The following PRKN variants were observed in gnomAD, a reference collection of about 807,000 sequenced individuals.
The protein encoded by PRKN is parkin RBR E3 ubiquitin protein ligase.
Under a neutral mutation model 59.5 loss-of-function variants are expected in PRKN, and 56 were observed. The observed-to-expected ratio is 0.94, with a 90% CI of 0.76 to 1.18. PRKN has a LOEUF of 1.18. Among genes scored for constraint, PRKN ranks in the 50% most tolerant of loss-of-function variants. The pLI is 0.00. For synonymous variants in PRKN, 250 were observed against 222.1 expected, an observed-to-expected ratio of 1.13 and a Z score of -1.12; for missense variants, 657 against 596.4, an observed-to-expected ratio of 1.10 and a Z score of -1.06.
chr6:162,308,493 C>T lies in PRKN; in HGVS notation c.172-45728G>A, dbSNP rs1782335096. Among the ~76,000 whole-genome samples, 3 of 152,150 alleles carry T rather than the reference C, an allele frequency of 2.0e-5. 1 individual carries two copies. The South Asian group carries it at 6.2e-4, about 32-fold the overall frequency. On this transcript the variant is annotated intron_variant, in intron 2 of 11. Coordinates refer to ENST00000366898, the MANE Select transcript of PRKN (RefSeq NM_004562.3). ...CTTGTAGTGAAATTGATCGGTATCT[C>T]CGGCATGATGAGGTCATGAAAGAAG... is the stretch of plus-strand genomic sequence containing the variant.
intron 1 of PRKN, among the ~76,000 whole-genome samples, chr6:162,446,269 C>T (rs886845790): frequency 1.3e-5 from 2 of 152,096 alleles, no homozygotes; most frequent in Non-Finnish European, 2.9e-5. Flanking sequence ...TCATTTTCTA[C>T]TAGTGAGAAT....
chr6:161,606,962 G>T (rs1177871883), intron 7 of PRKN, among the ~76,000 whole-genome samples: 1 of 152,192 alleles, frequency 6.6e-6, no homozygotes, highest in Non-Finnish European at 1.5e-5. Flanking sequence ...GCATGGGGGG[G>T]AGATGAGGGG....
At chr6:162,248,878 A>AT (rs1029810865) in intron 3 of PRKN, among the ~76,000 whole-genome samples, 1 of 151,388 alleles carries the variant, frequency 6.6e-6, no homozygotes, top group Admixed American at 6.6e-5. Context: ...TTGCTTTTGT[A>AT]TATAATTTTT....
chr6:161,774,501 C>T (rs1263732162), intron 7 of PRKN, among the ~76,000 whole-genome samples: 1 of 151,920 alleles, frequency 6.6e-6, no homozygotes, highest in Admixed American at 6.6e-5. Flanking sequence ...TGACATGCTC[C>T]ATTTGCAGGC....
chr6:162,649,203 T>C lies in PRKN; in HGVS notation c.7+78459A>G, dbSNP rs528676927. 1.2e-4 allele frequency among the ~76,000 whole-genome samples: 18 copies of C among 152,350 alleles called. 1 individual carries two copies. Among genetic ancestry groups the C allele is most frequent in the Admixed American group, 9.1e-4 (14 of 15,306 alleles). ...CAAGTATTTATTGAGTGCATTTACA[T>C]GCCAAACACTGTTCTAGATGCAGGT... On this transcript the variant is annotated intron_variant, in intron 1 of 11. Coordinates refer to ENST00000366898, the MANE Select transcript of PRKN (RefSeq NM_004562.3).
At chr6:161,482,810 C>A (rs1791471495) in intron 9 of PRKN, among the ~76,000 whole-genome samples, 1 of 152,136 alleles carries the variant, frequency 6.6e-6, no homozygotes, top group South Asian at 2.1e-4. Context: ...ACAAGGGTTT[C>A]CTAGAGGACT....
chr6:162,139,479 A>T (rs1781687452), intron 4 of PRKN, among the ~76,000 whole-genome samples: 1 of 152,194 alleles, frequency 6.6e-6, no homozygotes, highest in Non-Finnish European at 1.5e-5. Context: ...ACAGAGGCTT[A>T]TGAGGACGTC....
chr6:162,367,618 T>G (rs144046949), intron 2 of PRKN, among the ~76,000 whole-genome samples: 120 of 152,226 alleles, frequency 7.9e-4, no homozygotes, highest in African/African-American at 2.8e-3. Context: ...GAGTATAAAT[T>G]ATTTCACAGC....
intron 7 of PRKN, among the ~76,000 whole-genome samples, chr6:161,607,866 T>A (rs1782340730): frequency 6.6e-6 from 1 of 152,190 alleles, no homozygotes. Context: ...GCCGTCACAG[T>A]GAGCAAATGG....
intron 9 of PRKN, among the ~76,000 whole-genome samples, chr6:161,492,754 G>A (rs900326160): frequency 1.3e-5 from 2 of 152,160 alleles, no homozygotes; most frequent in Non-Finnish European, 2.9e-5. Flanking sequence ...GGGTACTGGT[G>A]AGAGAAAGAA....
chr6:162,097,592 C>T (rs1356688720), intron 4 of PRKN, among the ~76,000 whole-genome samples: 2 of 152,164 alleles, frequency 1.3e-5, no homozygotes, highest in African/African-American at 2.4e-5. Flanking sequence ...CTAACCATTT[C>T]ACTTCTCTGC....
chr6:161,733,854 G>C (rs1238883130), intron 7 of PRKN, among the ~76,000 whole-genome samples: 4 of 144,356 alleles, frequency 2.8e-5, no homozygotes, highest in Non-Finnish European at 4.5e-5. Context: ...GAATGTGTAA[G>C]TGCTTATATT....
chr6:161,976,828 C>T (rs1781051551), intron 5 of PRKN, among the ~76,000 whole-genome samples: 1 of 152,194 alleles, frequency 6.6e-6, no homozygotes, highest in Non-Finnish European at 1.5e-5. Flanking sequence ...ATAGAAAGCA[C>T]TTACGTTTTT....
intron 7 of PRKN, among the ~76,000 whole-genome samples, chr6:161,776,282 G>A (rs60744651): frequency 0.04 from 6,047 of 152,206 alleles, 386 homozygotes; most frequent in African/African-American, 0.13. Context: ...AAACAATTCC[G>A]AGCATAGACT....
At position 161,473,900 on chromosome 6, in the gene PRKN, G is replaced by C. The variant is rs1790924448; in HGVS notation, c.1083+74954C>G. Among the ~76,000 whole-genome samples the C allele has an allele frequency of 6.6e-6, 1 of 152,070 alleles. No individual in the cohort carries two copies. The highest frequency in any genetic ancestry group is 2.4e-5 in the African/African-American group (1 of 41,404). On this transcript the variant is annotated intron_variant, in intron 9 of 11. Transcript: ENST00000366898. This position sits in a 1 kb window ranked among gnomAD's most constrained non-coding sequence, Gnocchi z 4.1. The stretch of plus-strand genomic sequence containing the variant: ...GGTGGAGTGGCATTTTTATATACAA[G>C]ATCGCTAGGATGGAGGGCATGACTT...
At chr6:162,471,439 C>T in intron 1 of PRKN, among the ~76,000 whole-genome samples, 1 of 152,120 alleles carries the variant, frequency 6.6e-6, no homozygotes, top group African/African-American at 2.4e-5. Context: ...ATAGATAGAG[C>T]CATTTGTTAC....
intron 2 of PRKN, among the ~76,000 whole-genome samples, chr6:162,384,150 T>C (rs1411165348): frequency 6.6e-6 from 1 of 152,196 alleles, no homozygotes; most frequent in Admixed American, 6.5e-5. Context: ...CCCTCAAGAA[T>C]TTTTCCTTTG....
chr6:162,205,996 A>C (rs1161802376), intron 3 of PRKN, among the ~76,000 whole-genome samples: 1 of 152,174 alleles, frequency 6.6e-6, no homozygotes, highest in Non-Finnish European at 1.5e-5. Context: ...AGCTTGTTTT[A>C]ATCTGTGCTC....
rs189368139 is a variant in PRKN at position 162,146,442 on chromosome 6, A to G, written c.534+54689T>C. Reference sequence around the variant, plus strand: ...AAATGTTTAGTAAATATATATATATATCGATAGATAGATAGATATACTAAA... The same window carrying G: ...AAATGTTTAGTAAATATATATATATGTCGATAGATAGATAGATATACTAAA... On this transcript the variant is annotated intron_variant, in intron 4 of 11. Transcript: ENST00000366898. Among the ~76,000 whole-genome samples the G allele has an allele frequency of 4.8e-4, 73 of 150,546 alleles. No homozygotes were observed. In the East Asian group the frequency reaches 0.014, roughly 29 times the overall value.
Sources: allele counts gnomAD v4.1 joint callset (sites outside exome capture counted in the v4.1 genomes callset), GRCh38; gene constraint gnomAD v4.1.1; non-coding constraint Gnocchi (gnomAD v3.1); transcripts MANE v1.5; gene names NCBI Gene and HGNC (gene_info 2026-07-23, HGNC 2026-07-21).